Variants in ACAD9 observed in about 807,000 individuals in gnomAD.
ACAD9 encodes the protein acyl-CoA dehydrogenase family member 9, also known as complex I assembly factor ACAD9, mitochondrial.
In ACAD9, 53 loss-of-function variants were observed where a neutral mutation model predicts 70.2. The ratio of observed to expected loss-of-function variants is 0.75; its 90% CI spans 0.61 to 0.95. The LOEUF (loss-of-function observed/expected upper bound fraction) is 0.95. Among genes scored for constraint, ACAD9 ranks in the 40% least tolerant of loss-of-function variants. The pLI, the probability that ACAD9 is intolerant of heterozygous loss-of-function variation, is 0.00. For missense variants in ACAD9, 777 were observed against 802.8 expected (o/e 0.97, Z 0.39); for synonymous variants, 313 against 312.1 (o/e 1.00, Z -0.03).
intron 2 of ACAD9, among the ~76,000 whole-genome samples, chr3:128,892,189 T>G (rs1935439811): frequency 6.6e-6 from 1 of 152,234 alleles, no homozygotes; most frequent in Admixed American, 6.5e-5. Context: ...GAAATGTTTT[T>G]ATCTCGATTG....
Position 128,908,176 on chromosome 3 carries a change from T to C in ACAD9, c.1279-9T>C, listed in dbSNP as rs751231162. 51 of 1,613,904 alleles carry C rather than the reference T, an allele frequency of 3.2e-5. No homozygotes were observed. Among genetic ancestry groups the C allele is most frequent in the Non-Finnish European group, 4.1e-5 (48 of 1,179,998 alleles). The stretch of plus-strand genomic sequence containing the variant: ...GGGCAGCCTTTGACCTCTACACTAC[T>C]GACCACAGGGAACCAATGAGATTCT... On this transcript the variant is annotated splice_polypyrimidine_tract_variant and intron_variant, in intron 12 of 17. Coordinates refer to ENST00000308982, the MANE Select transcript of ACAD9 (RefSeq NM_014049.5).
intron 2 of ACAD9, among the ~76,000 whole-genome samples, chr3:128,886,356 C>T (rs909315065): frequency 1.3e-5 from 2 of 151,900 alleles, no homozygotes; most frequent in African/African-American, 4.8e-5. Flanking sequence ...CTTCCTCAGC[C>T]TCCCCAAGTG....
intron 1 of ACAD9, among the ~76,000 whole-genome samples, chr3:128,881,789 G>A (rs898696310): frequency 6.6e-6 from 1 of 152,136 alleles, no homozygotes; most frequent in Non-Finnish European, 1.5e-5. Flanking sequence ...ATACTTCACT[G>A]GCTGATACTT....
Position 128,902,246 on chromosome 3 carries a change from C to G in ACAD9, c.883-307C>G, listed in dbSNP as rs1233191127. 2.0e-5 allele frequency among the ~76,000 whole-genome samples: 3 copies of G among 152,154 alleles called. No individual in the cohort carries two copies. The highest frequency in any genetic ancestry group is 1.5e-5 in the Non-Finnish European group (1 of 68,036). On this transcript the variant is annotated intron_variant, in intron 8 of 17. Coordinates refer to ENST00000308982, the MANE Select transcript of ACAD9 (RefSeq NM_014049.5). This position sits in a 1 kb window ranked among gnomAD's most constrained non-coding sequence, Gnocchi z 4.0. ...CCTAAAAGTAGAATTTCTGTTTGGC[C>G]CAAGTTGGTCTTGAACTCCTGGGCT...
chr3:128,884,256 G>A (rs1935179652), intron 1 of ACAD9, among the ~76,000 whole-genome samples: 1 of 152,226 alleles, frequency 6.6e-6, no homozygotes, highest in Non-Finnish European at 1.5e-5. Context: ...TGTTATGGGT[G>A]AGAAAGGGGT....
At position 128,879,754 on chromosome 3, in the gene ACAD9, G is replaced by A; in HGVS notation, c.63G>A (p.Val21=). The change falls in exon 1 of 18, where the codon GTG becomes GTA. Residue 21 remains valine, a synonymous_variant. Transcript: ENST00000308982. Reference sequence around the variant, plus strand: ...CGGCTCGTGCCTGCCGGGGTCTGGTGGTCTCTACCGCGAACCGGCGGCTAC... The same window carrying A: ...CGGCTCGTGCCTGCCGGGGTCTGGTAGTCTCTACCGCGAACCGGCGGCTAC... The part of the protein sequence containing the change: ...TAAARACRGL[V]VSTANRRLLR... The A allele has an allele frequency of 6.2e-7, 1 of 1,613,440 alleles. No homozygotes were observed. The highest frequency in any genetic ancestry group is 8.5e-7 in the Non-Finnish European group (1 of 1,179,986).
chr3:128,906,348 G>C, intron 12 of ACAD9, 99 bp downstream of exon 12: 1 of 1,569,418 alleles, frequency 6.4e-7, no homozygotes, highest in Admixed American at 1.8e-5. Flanking sequence ...GCAGCCCAGG[G>C]CTGGGTCGCA....
At chr3:128,894,872 A>ATT (rs138817276) in intron 3 of ACAD9, among the ~76,000 whole-genome samples, 6,727 of 105,270 alleles carry the variant, frequency 0.064, 578 homozygotes, top group African/African-American at 0.2. Flanking sequence ...CTGTATTGTG[A>ATT]TTTTTTTTTT....
At chr3:128,884,379 C>G (rs1197521156) in intron 1 of ACAD9, among the ~76,000 whole-genome samples, 1 of 152,134 alleles carries the variant, frequency 6.6e-6, no homozygotes, top group Non-Finnish European at 1.5e-5. Flanking sequence ...TTTCATGGGA[C>G]TATTATCATC....
intron 17 of ACAD9, 120 bp downstream of exon 17, chr3:128,910,933 C>A: frequency 1.6e-6 from 2 of 1,260,348 alleles, no homozygotes; most frequent in Non-Finnish European, 2.3e-6. Flanking sequence ...AGACCTCTGC[C>A]TTGAGCGAGG....
At position 128,901,324 on chromosome 3, in the gene ACAD9, T is replaced by C. The variant is rs1190518568; in HGVS notation, c.857T>C (p.Leu286Pro). The change falls in exon 8 of 18, where the codon CTT becomes CCT. Residue 286 changes from leucine to proline, a missense_variant. By Grantham distance (98) the Leu-to-Pro change is moderately conservative (BLOSUM62 -3). Coordinates refer to ENST00000308982, the MANE Select transcript of ACAD9 (RefSeq NM_014049.5). The part of the protein sequence containing the change: ...ENTKIPVENI[L>P]GEVGDGFKVA... ...ACCAAGATACCTGTGGAAAACATCC[T>C]TGGAGAGGTCGGAGATGGGTTTAAG... 7 of 1,614,038 alleles carry C rather than the reference T, an allele frequency of 4.3e-6. No homozygotes were observed. Among genetic ancestry groups the C allele is most frequent in the African/African-American group, 1.3e-5 (1 of 74,942 alleles).
At chr3:128,911,210 C>T (rs1214299075) in intron 17 of ACAD9, among the ~76,000 whole-genome samples, 2 of 152,162 alleles carry the variant, frequency 1.3e-5, no homozygotes, top group African/African-American at 4.8e-5. Flanking sequence ...GCGCACGCCA[C>T]CACGCCCGGC....
At position 128,893,397 on chromosome 3, in the gene ACAD9, T is replaced by G. The variant is rs569466784; in HGVS notation, c.245-158T>G. 12 of 620,882 alleles carry G rather than the reference T, an allele frequency of 1.9e-5. No individual in the cohort carries two copies. In the East Asian group the frequency reaches 3.6e-4, roughly 18 times the overall value. The allele number at this position is 620,882 out of a possible 1,614,324, so 38.5% of individuals were successfully genotyped here. A position where few individuals can be genotyped will look rare whatever the true frequency, so the allele number is the denominator to read the frequency against. ...TTTTTCCTGGGCTCATTACATAAAA[T>G]TGAACACAGGCCAAATGACCATGAC... On this transcript the variant is annotated intron_variant, in intron 2 of 17. Transcript: ENST00000308982.
At chr3:128,909,217 C>T (rs751698333) in intron 14 of ACAD9, 118 bp downstream of exon 14, 12 of 1,595,030 alleles carry the variant, frequency 7.5e-6, no homozygotes, top group Non-Finnish European at 9.4e-6. Flanking sequence ...TGGGGAACAC[C>T]AGCTAGTCCA....
intron 1 of ACAD9, among the ~76,000 whole-genome samples, chr3:128,880,267 C>G (rs73207996): frequency 0.041 from 6,296 of 152,266 alleles, 172 homozygotes; most frequent in Non-Finnish European, 0.058. Flanking sequence ...CCTCTCCCTG[C>G]CATTGAGGTT....
intron 13 of ACAD9, 118 bp downstream of exon 13, chr3:128,908,382 G>A (rs759533457): frequency 7.4e-5 from 93 of 1,258,424 alleles, no homozygotes; most frequent in South Asian, 9.6e-5. Flanking sequence ...GGGGTGTGGC[G>A]CAGCCTTGTG....
At position 128,904,051 on chromosome 3, in the gene ACAD9, C is replaced by G; in HGVS notation, c.959-11C>G. ...ATTCCAGTTCATTCTAATAACTCTGCTCTTCCTCAGAAATGACTGCTGAGT... is the reference window on the plus strand; with the variant it reads ...ATTCCAGTTCATTCTAATAACTCTGGTCTTCCTCAGAAATGACTGCTGAGT... On this transcript the variant is annotated splice_polypyrimidine_tract_variant and intron_variant, in intron 9 of 17. Coordinates refer to ENST00000308982, the MANE Select transcript of ACAD9 (RefSeq NM_014049.5). 3 of 1,613,792 alleles carry G rather than the reference C, an allele frequency of 1.9e-6. No individual in the cohort carries two copies. Among genetic ancestry groups the G allele is most frequent in the Non-Finnish European group, 2.5e-6 (3 of 1,179,644 alleles).
Position 128,909,083 on chromosome 3 carries a change from T to C in ACAD9, c.1469T>C (p.Val490Ala), listed in dbSNP as rs1559831171. 6.2e-7 allele frequency: 1 copy of C among 1,614,036 alleles called. No individual in the cohort carries two copies. The highest frequency in any genetic ancestry group is 1.1e-5 in the South Asian group (1 of 91,090). The change falls in exon 14 of 18, where the codon GTG becomes GCG. Residue 490 changes from valine to alanine, a missense_variant. Physicochemically the swap from Val to Ala is moderately conservative, Grantham distance 64 (BLOSUM62 0). Transcript: ENST00000308982. Reference protein sequence around the residue: ...DLGLTGNHGVVHPSLADSANK... With the variant: ...DLGLTGNHGVAHPSLADSANK... ...GGGCTGACAGGCAACCATGGAGTTG[T>C]GCACCCCAGTCTTGCGGTGAGTGGG...
At chr3:128,883,112 A>G (rs543994951) in intron 1 of ACAD9, among the ~76,000 whole-genome samples, 5 of 146,236 alleles carry the variant, frequency 3.4e-5, no homozygotes, top group African/African-American at 1.3e-4. Flanking sequence ...TCCTTGAGAC[A>G]GTGTCTTACT....
Sources: gnomAD v4.1 joint callset for allele counts (sites outside exome capture counted in the v4.1 genomes callset) on GRCh38, gnomAD v4.1.1 for gene constraint, Gnocchi (gnomAD v3.1) non-coding constraint, MANE v1.5 for transcripts, NCBI Gene and HGNC (gene_info 2026-07-23, HGNC 2026-07-21) for gene names.